The following ABR variants were observed in gnomAD, a reference collection of about 807,000 sequenced individuals.
ABR encodes the protein active breakpoint cluster region-related protein.
A neutral mutation model predicts 107.2 loss-of-function variants in ABR; 35 were observed. The ratio of observed to expected loss-of-function variants is 0.33; its 90% CI spans 0.25 to 0.43. ABR has a LOEUF of 0.43. ABR is among the 20% of genes least tolerant of loss of function. ABR has a pLI of 1.00. For missense variants in ABR, 815 were observed against 1,115.2 expected (o/e 0.73, Z 3.83); for synonymous variants, 498 against 462.0 (o/e 1.08, Z -1.00).
At position 1,054,582 on chromosome 17, in the gene ABR, G is replaced by GCACAAGGAACCTGAGGGGATGGGGT. The variant is rs1567662498; in HGVS notation, c.1561+1452_1561+1453insACCCCATCCCCTCAGGTTCCTTGTG. On this transcript the variant is annotated intron_variant, in intron 14 of 22. Transcript: ENST00000302538. The stretch of plus-strand genomic sequence containing the variant: ...GCACAAAGAACCTGAGGGGATGGGG[G>GCACAAGGAACCTGAGGGGATGGGGT]CACAAGGAACCTGAGGGGATGGGGG... 3.9e-3 allele frequency among the ~76,000 whole-genome samples: 204 copies of GCACAAGGAACCTGAGGGGATGGGGT among 52,924 alleles called. 82 individuals carry two copies. Among genetic ancestry groups the GCACAAGGAACCTGAGGGGATGGGGT allele is most frequent in the East Asian group, 4.8e-3 (11 of 2,280 alleles). The allele number at this position is 52,924 out of a possible 152,430, so 34.7% of individuals were successfully genotyped here.
intron 1 of ABR, among the ~76,000 whole-genome samples, chr17:1,160,191 C>T (rs1442893860): frequency 2.0e-5 from 3 of 151,878 alleles, no homozygotes; most frequent in Non-Finnish European, 4.4e-5. Flanking sequence ...GAGGTGGAGG[C>T]TGCAGTGAGC....
intron 2 of ABR, among the ~76,000 whole-genome samples, chr17:1,104,792 G>A (rs1210914363): frequency 1.3e-5 from 2 of 152,184 alleles, no homozygotes; most frequent in Non-Finnish European, 2.9e-5. Context: ...ACTGCTGGGG[G>A]ACAAAGACCA....
rs145148122 is a variant in ABR at position 1,153,070 on chromosome 17, TA to T, written c.61+26596del. 9.5e-3 allele frequency among the ~76,000 whole-genome samples: 1,445 copies of T among 151,314 alleles called. 35 individuals carry two copies. In the East Asian group the frequency reaches 0.11, roughly 11 times the overall value. ...CTGAGCAACAAGAGTGAAACTCCGT[TA>T]AAAAAAAAATTTTTGACACAGCCTG... On this transcript the variant is annotated intron_variant, in intron 1 of 22. Transcript: ENST00000302538.
intron 4 of ABR, among the ~76,000 whole-genome samples, chr17:1,086,587 G>A (rs1435558498): frequency 5.3e-5 from 8 of 150,640 alleles, no homozygotes; most frequent in South Asian, 2.1e-4. Flanking sequence ...TGCAAACTCC[G>A]CCTCCTGGGT....
intron 1 of ABR, among the ~76,000 whole-genome samples, chr17:1,166,427 C>T (rs1452743876): frequency 2.0e-5 from 3 of 152,116 alleles, no homozygotes; most frequent in Non-Finnish European, 4.4e-5. Flanking sequence ...GTGCAAAAGG[C>T]ACCACACTAT....
intron 1 of ABR, among the ~76,000 whole-genome samples, chr17:1,204,391 G>A (rs1358181646): frequency 6.6e-6 from 1 of 152,226 alleles, no homozygotes; most frequent in Non-Finnish European, 1.5e-5. Context: ...GTTGCAGTGA[G>A]CCGAGATTGC....
At chr17:1,180,880 G>T (rs183529908), upstream of ABR, among the ~76,000 whole-genome samples, 127 of 152,330 alleles carry the variant, frequency 8.3e-4, no homozygotes, top group Middle Eastern at 6.8e-3. Flanking sequence ...TGGGCCAAGC[G>T]ACCCTGGAGC....
intron 13 of ABR, 142 bp downstream of exon 13, chr17:1,056,856 C>T: frequency 1.6e-6 from 1 of 608,948 alleles, no homozygotes. Flanking sequence ...CAAGCTGTGT[C>T]CTGGCCACTC....
chr17:1,025,742 T>C (rs910788114), intron 16 of ABR, among the ~76,000 whole-genome samples: 2 of 152,100 alleles, frequency 1.3e-5, no homozygotes, highest in African/African-American at 4.8e-5. Flanking sequence ...CGTTACCCAG[T>C]TGTGTTTATT....
At chr17:1,044,200 G>GC (rs1031835844) in intron 16 of ABR, among the ~76,000 whole-genome samples, 24 of 31,186 alleles carry the variant, frequency 7.7e-4, no homozygotes, top group South Asian at 3.7e-3. Flanking sequence ...AGCCGGTGGA[G>GC]GGGGGGCTCC....
At chr17:1,149,671 C>A (rs1181772844) in intron 1 of ABR, among the ~76,000 whole-genome samples, 1 of 152,208 alleles carries the variant, frequency 6.6e-6, no homozygotes, top group Non-Finnish European at 1.5e-5. Context: ...CCCACCTTAG[C>A]CTCTCAAAGT....
chr17:1,042,562 G>A (rs997598468), intron 16 of ABR, among the ~76,000 whole-genome samples: 1 of 68,366 alleles, frequency 1.5e-5, no homozygotes, highest in African/African-American at 4.8e-5. Context: ...ACGGATGGAT[G>A]GGTAAACAGA....
chr17:1,172,070 C>T (rs974863343), intron 1 of ABR, among the ~76,000 whole-genome samples: 6 of 152,206 alleles, frequency 3.9e-5, no homozygotes, highest in South Asian at 2.1e-4. Context: ...ATTCATCTTT[C>T]GGTCTAGTGT....
At position 1,016,457 on chromosome 17, in the gene ABR, C is replaced by T. The variant is rs968359073; in HGVS notation, c.1792-3293G>A. 3.9e-5 allele frequency among the ~76,000 whole-genome samples: 6 copies of T among 152,008 alleles called. 1 individual carries two copies. Among genetic ancestry groups the T allele is most frequent in the East Asian group, 3.9e-4 (2 of 5,168 alleles). On this transcript the variant is annotated intron_variant, in intron 16 of 22. Coordinates refer to ENST00000302538, the MANE Select transcript of ABR (RefSeq NM_021962.5). ...TCAGCCTCCCGAGTAGCTGGGATTACAGGTGCCTGCCACCACGCCCAGCTA... is the reference window on the plus strand; with the variant it reads ...TCAGCCTCCCGAGTAGCTGGGATTATAGGTGCCTGCCACCACGCCCAGCTA...
At chr17:1,135,096 G>C (rs375218148) in intron 1 of ABR, among the ~76,000 whole-genome samples, 3 of 152,190 alleles carry the variant, frequency 2.0e-5, no homozygotes, top group Non-Finnish European at 4.4e-5. Flanking sequence ...AGTTTCAGGC[G>C]GTGAGAGGAG....
intron 1 of ABR, among the ~76,000 whole-genome samples, chr17:1,165,533 T>C (rs992194059): frequency 2.0e-5 from 3 of 152,150 alleles, no homozygotes; most frequent in Admixed American, 6.5e-5. Context: ...GAAAACTTTC[T>C]TTTTTTCTTT....
intron 1 of ABR, among the ~76,000 whole-genome samples, chr17:1,155,704 A>G (rs1012870639): frequency 6.6e-6 from 1 of 152,108 alleles, no homozygotes. Flanking sequence ...AGTGGCTCAC[A>G]CCTGCAATCC....
At chr17:1,100,542 C>T in intron 3 of ABR, 95 bp downstream of exon 3, 9 of 1,203,270 alleles carry the variant, frequency 7.5e-6, no homozygotes, top group Non-Finnish European at 1.1e-5. Flanking sequence ...GGTACGGTCC[C>T]CTTTCCTCTC....
intron 4 of ABR, among the ~76,000 whole-genome samples, chr17:1,090,379 C>T (rs1443796482): frequency 6.6e-6 from 1 of 152,134 alleles, no homozygotes; most frequent in African/African-American, 2.4e-5. Flanking sequence ...GTGACTCTCT[C>T]CCCTCTAAGG....
Sources: gnomAD v4.1 joint callset for allele counts (sites outside exome capture counted in the v4.1 genomes callset) on GRCh38, gnomAD v4.1.1 for gene constraint, MANE v1.5 for transcripts, NCBI Gene and HGNC (gene_info 2026-07-23, HGNC 2026-07-21) for gene names.